Variants in ATF7IP observed in about 807,000 individuals in gnomAD.
ATF7IP encodes the protein activating transcription factor 7-interacting protein 1.
ATF7IP carries 23 observed loss-of-function variants against 106.4 expected under a neutral mutation model. That is an observed-to-expected ratio of 0.22 (90% confidence interval 0.16 to 0.31). The LOEUF (loss-of-function observed/expected upper bound fraction) is 0.31. ATF7IP is among the 10% of genes least tolerant of loss of function. The pLI is 1.00. For missense variants in ATF7IP, 1,334 were observed against 1,524.3 expected (o/e 0.88, Z 2.08); for synonymous variants, 542 against 539.0 (o/e 1.01, Z -0.08).
At chr12:14,465,316 T>G (rs1241878704) in intron 9 of ATF7IP, among the ~76,000 whole-genome samples, 1 of 152,084 alleles carries the variant, frequency 6.6e-6, no homozygotes, top group Non-Finnish European at 1.5e-5. Context: ...TATTTTGATT[T>G]GAAGATGGAA....
chr12:14,384,339 C>G (rs1443147774), intron 1 of ATF7IP, among the ~76,000 whole-genome samples: 3 of 152,194 alleles, frequency 2.0e-5, no homozygotes, highest in African/African-American at 7.2e-5. Flanking sequence ...TCCTTCCCTT[C>G]TCTTTGATTG....
chr12:14,417,411 T>C (rs1052806438), intron 1 of ATF7IP, among the ~76,000 whole-genome samples: 1 of 152,108 alleles, frequency 6.6e-6, no homozygotes, highest in Non-Finnish European at 1.5e-5. Flanking sequence ...CAGAATACTA[T>C]TAATTTTTGG....
chr12:14,398,898 G>A (rs1940022309), intron 1 of ATF7IP, among the ~76,000 whole-genome samples: 1 of 151,844 alleles, frequency 6.6e-6, no homozygotes, highest in African/African-American at 2.4e-5. Context: ...GTTACTCTAA[G>A]GTATGTCTCG....
At chr12:14,435,132 A>T (rs1423538101) in intron 3 of ATF7IP, among the ~76,000 whole-genome samples, 1 of 150,774 alleles carries the variant, frequency 6.6e-6, no homozygotes, top group Non-Finnish European at 1.5e-5. Context: ...AGGAAGGAAG[A>T]GGGAAGGAAG....
At chr12:14,495,877 G>A (rs547791102) in intron 13 of ATF7IP, among the ~76,000 whole-genome samples, 42 of 152,204 alleles carry the variant, frequency 2.8e-4, no homozygotes, top group African/African-American at 1.0e-3. Flanking sequence ...TTTGTTCATA[G>A]TTCTCCTGGT....
intron 1 of ATF7IP, chr12:14,419,095 G>A (rs945604516): frequency 6.6e-6 from 1 of 152,062 alleles, no homozygotes; most frequent in African/African-American, 2.4e-5. Flanking sequence ...ACCATTTATT[G>A]AGTTCTTACT....
intron 10 of ATF7IP, among the ~76,000 whole-genome samples, chr12:14,475,176 C>T (rs572002190): frequency 6.6e-6 from 1 of 152,228 alleles, no homozygotes; most frequent in South Asian, 2.1e-4. Context: ...CTTATATACA[C>T]ATTTGGATTA....
Position 14,457,293 on chromosome 12 carries a change from C to G in ATF7IP, c.2156C>G (p.Thr719Arg). Residue 719 changes from threonine (T) to arginine (R), a missense_variant and splice_region_variant, in exon 8 of 15, where the codon ACA becomes AGA. Transcript: ENST00000261168. ...APPSFQTPVN[T>R]VSSTNLVTPP... ...CCATCCTTTCAAACTCCTGTGAATA[C>G]AGGTAACTTTTTTTTTAAATACCAA... The G allele has an allele frequency of 6.3e-7, 1 of 1,598,282 alleles. No individual in the cohort carries two copies. Among genetic ancestry groups the G allele is most frequent in the Non-Finnish European group, 8.5e-7 (1 of 1,174,638 alleles).
chr12:14,460,267 C>T (rs990224853), intron 8 of ATF7IP, among the ~76,000 whole-genome samples: 16 of 152,022 alleles, frequency 1.1e-4, no homozygotes, highest in African/African-American at 2.9e-4. Flanking sequence ...TATTAATCAT[C>T]GATCATGTGC....
chr12:14,424,071 T>C lies in ATF7IP; in HGVS notation c.156T>C (p.Asp52=), dbSNP rs1370393358. The change falls in exon 2 of 15, where the codon GAT becomes GAC. Residue 52 remains aspartate (D), a synonymous_variant. Transcript: ENST00000261168. ...TAAATGGCAACCATGAAAATGGAGA[T>C]TTGGACCCAACCTCACCTTTGGAAA... ...KLLNGNHENG[D]LDPTSPLENM... is the part of the protein sequence containing the mutation. 2 of 1,613,978 alleles carry C rather than the reference T, an allele frequency of 1.2e-6. No individual in the cohort carries two copies. Among genetic ancestry groups the C allele is most frequent in the East Asian group, 4.5e-5 (2 of 44,892 alleles).
Position 14,500,399 on chromosome 12 carries a change from T to C in ATF7IP, c.*2326T>C, listed in dbSNP as rs538740098. On this transcript the variant is annotated 3_prime_UTR_variant, in exon 15 of 15. Coordinates refer to ENST00000261168, the MANE Select transcript of ATF7IP (RefSeq NM_018179.5). ...CAAAGGAGTATGCTATAAATCAAAT[T>C]TGCCAACCAATTATGTAGATATTAC... 1 of 152,184 alleles carries C rather than the reference T, an allele frequency of 6.6e-6. No homozygotes were observed. Among genetic ancestry groups the C allele is most frequent in the East Asian group, 1.9e-4 (1 of 5,198 alleles). The allele number at this position is 152,184 out of a possible 1,614,324, so 9.4% of individuals were successfully genotyped here.
intron 1 of ATF7IP, among the ~76,000 whole-genome samples, chr12:14,388,889 C>T (rs1484492880): frequency 6.6e-6 from 1 of 152,188 alleles, no homozygotes; most frequent in Non-Finnish European, 1.5e-5. Context: ...ATCTGACCAC[C>T]TCAGCTTCCT....
intron 1 of ATF7IP, among the ~76,000 whole-genome samples, chr12:14,403,140 CTTAATT>C (rs1940353550): frequency 6.6e-6 from 1 of 151,938 alleles, no homozygotes; most frequent in Non-Finnish European, 1.5e-5. Context: ...TTTTTATGTT[CTTAATT>C]TTTATTTTTA....
chr12:14,410,053 C>G (rs1053142659), intron 1 of ATF7IP, among the ~76,000 whole-genome samples: 3 of 152,070 alleles, frequency 2.0e-5, no homozygotes, highest in Admixed American at 6.6e-5. Flanking sequence ...TAAAGAAATC[C>G]TGTACCCTTT....
chr12:14,379,166 A>G (rs1278817900), intron 1 of ATF7IP, among the ~76,000 whole-genome samples: 1 of 152,150 alleles, frequency 6.6e-6, no homozygotes, highest in East Asian at 1.9e-4. Flanking sequence ...CCCCCTTGGT[A>G]CTGTCCTCCA....
chr12:14,432,937 T>C (rs546363223), intron 2 of ATF7IP, among the ~76,000 whole-genome samples: 4 of 152,344 alleles, frequency 2.6e-5, no homozygotes, highest in Non-Finnish European at 5.9e-5. Context: ...AGTAGGTTAG[T>C]TGAAGAGACA....
chr12:14,388,927 A>T (rs1032747444), intron 1 of ATF7IP, among the ~76,000 whole-genome samples: 1 of 152,210 alleles, frequency 6.6e-6, no homozygotes, highest in African/African-American at 2.4e-5. Context: ...GGCATGAGGC[A>T]TCGTGCCCTG....
rs1943433782 is a variant in ATF7IP, at chr12:14,456,571, A to G, written c.2006A>G (p.Asn669Ser). The G allele has an allele frequency of 1.2e-6, 2 of 1,611,842 alleles. No homozygotes were observed. The highest frequency in any genetic ancestry group is 1.1e-5 in the South Asian group (1 of 91,044). The part of the protein sequence containing the change: ...DLKKRHEHPP[N>S]PPVSPGKTVN... ...TTTTTTCTCCCCCAGCATCCACCCA[A>G]CCCACCAGTATCACCAGGAAAAACT... The change falls in exon 7 of 15, where the codon AAC becomes AGC. Residue 669 changes from asparagine to serine, a missense_variant. Asn to Ser is a conservative substitution (Grantham distance 46, BLOSUM62 1). Transcript: ENST00000261168.
chr12:14,445,381 TTTTC>T (rs1239905706), intron 5 of ATF7IP, among the ~76,000 whole-genome samples: 10 of 151,592 alleles, frequency 6.6e-5, no homozygotes, highest in Admixed American at 6.6e-4. Flanking sequence ...TTTCTTTTCT[TTTTC>T]TTTCTTTCTT....
Sources: allele counts gnomAD v4.1 joint callset (sites outside exome capture counted in the v4.1 genomes callset), GRCh38; gene constraint gnomAD v4.1.1; transcripts MANE v1.5; gene names NCBI Gene and HGNC (gene_info 2026-07-23, HGNC 2026-07-21).